Variants in ARCN1 observed in about 807,000 individuals in gnomAD.
The protein encoded by ARCN1 is archain 1 coat protein complex I subunit delta, also known as coatomer subunit delta.
Under a neutral mutation model 60.4 loss-of-function variants are expected in ARCN1, and 5 were observed. The ratio of observed to expected loss-of-function variants is 0.08; its 90% confidence interval spans 0.04 to 0.17. The LOEUF is 0.17. ARCN1 is among the 10% of genes least tolerant of loss of function. The probability of loss-of-function intolerance (pLI) is 1.00; values close to 1 mark genes in which losing one functional copy is unlikely to be tolerated. For missense variants in ARCN1, 464 were observed against 626.5 expected, an observed-to-expected ratio of 0.74 and a Z score of 2.77; for synonymous variants, 224 against 220.0, an observed-to-expected ratio of 1.02 and a Z score of -0.16.
At chr11:118,583,422 A>G (rs1290172969) in intron 3 of ARCN1, 64 bp downstream of exon 3, 1 of 1,474,114 alleles carries the variant, frequency 6.8e-7, no homozygotes, top group Non-Finnish European at 9.0e-7. Flanking sequence ...CACTAATCTC[A>G]TTTTCCTATT....
At chr11:118,599,240 G>GCA (rs1939098514) in intron 9 of ARCN1, among the ~76,000 whole-genome samples, 1 of 151,222 alleles carries the variant, frequency 6.6e-6, no homozygotes, top group Non-Finnish European at 1.5e-5. Context: ...CTACCGGCAT[G>GCA]CGCCACCACG....
At chr11:118,573,227 C>T (rs1351359042) in intron 1 of ARCN1, among the ~76,000 whole-genome samples, 1 of 152,086 alleles carries the variant, frequency 6.6e-6, no homozygotes, top group East Asian at 1.9e-4. Context: ...AAAATGTGAG[C>T]AGGTTCCAGA....
Position 118,576,462 on chromosome 11 carries a change from T to C in ARCN1, c.3+3912T>C, listed in dbSNP as rs192410385. ...AAAAAAAAAAAAACCAAAAACTTTGTAATCATATTTATTAATTCTTCCTCA... is the reference window on the plus strand; with the variant it reads ...AAAAAAAAAAAAACCAAAAACTTTGCAATCATATTTATTAATTCTTCCTCA... On this transcript the variant is annotated intron_variant, in intron 1 of 9. Transcript: ENST00000264028. Among the ~76,000 whole-genome samples, 1,010 of 150,328 alleles carry C rather than the reference T, an allele frequency of 6.7e-3. 11 individuals are homozygous for C. The highest frequency in any genetic ancestry group is 0.022 in the African/African-American group (900 of 40,986).
chr11:118,592,606 G>C lies in ARCN1; in HGVS notation c.985-103G>C. The C allele has an allele frequency of 3.9e-6, 3 of 763,940 alleles. No individual in the cohort carries two copies. The South Asian group carries it at 9.8e-5, about 25-fold the overall frequency. 47.3% of individuals were successfully genotyped at this position (763,940 alleles called of 1,614,324 possible). On this transcript the variant is annotated intron_variant, in intron 6 of 9. Coordinates refer to ENST00000264028, the MANE Select transcript of ARCN1 (RefSeq NM_001655.5). The stretch of plus-strand genomic sequence containing the variant: ...ATGAAAAAGAATTGGAATTTGTTAG[G>C]TACTCTATTTTGGATGTTTAGATTG...
At chr11:118,574,430 C>T (rs540522058) in intron 1 of ARCN1, among the ~76,000 whole-genome samples, 1 of 152,216 alleles carries the variant, frequency 6.6e-6, no homozygotes, top group African/African-American at 2.4e-5. Flanking sequence ...TTTCCAACAT[C>T]TGGAAAAGTT....
chr11:118,588,756 G>C (rs1407476170), intron 5 of ARCN1, among the ~76,000 whole-genome samples: 1 of 151,262 alleles, frequency 6.6e-6, no homozygotes, highest in African/African-American at 2.4e-5. Flanking sequence ...GGTGGCTCAC[G>C]CCTGTAATCC....
intron 5 of ARCN1, among the ~76,000 whole-genome samples, chr11:118,588,252 T>G (rs1555075757): frequency 6.6e-6 from 1 of 152,172 alleles, no homozygotes; most frequent in East Asian, 1.9e-4. Flanking sequence ...ATTCTTGGCC[T>G]CTCTGTGCAG....
Position 118,581,929 on chromosome 11 carries a change from GACAGACAGACACACACACAC to G in ARCN1, c.267+424_267+443del, listed in dbSNP as rs1938659730. ...AGACTTACTGATCCAGAGACAGACA[GACAGACAGACACACACACAC>G]ACACACACACACACACACCTTTTAA... On this transcript the variant is annotated intron_variant, in intron 2 of 9. Coordinates refer to ENST00000264028, the MANE Select transcript of ARCN1 (RefSeq NM_001655.5). Among the ~76,000 whole-genome samples, 17 of 132,358 alleles carry G rather than the reference GACAGACAGACACACACACAC, an allele frequency of 1.3e-4. No individual in the cohort carries two copies. The East Asian group carries it at 4.1e-3, about 32-fold the overall frequency. 86.8% of individuals were successfully genotyped at this position (132,358 alleles called of 152,430 possible).
chr11:118,582,637 A>G (rs1388175355), intron 2 of ARCN1, among the ~76,000 whole-genome samples: 2 of 151,164 alleles, frequency 1.3e-5, no homozygotes, highest in African/African-American at 2.4e-5. Context: ...GAGGCATGAG[A>G]ATTGCGTGAA....
intron 5 of ARCN1, among the ~76,000 whole-genome samples, chr11:118,585,200 T>C (rs782235927): frequency 3.3e-5 from 5 of 151,908 alleles, no homozygotes; most frequent in Non-Finnish European, 7.4e-5. Flanking sequence ...TGAGCTCAGT[T>C]AATCTTCCTG....
chr11:118,588,721 T>G (rs1223464136), intron 5 of ARCN1, among the ~76,000 whole-genome samples: 1 of 144,156 alleles, frequency 6.9e-6, no homozygotes, highest in East Asian at 2.0e-4. Context: ...ATCTGTCTCT[T>G]AAACAACAAC....
intron 5 of ARCN1, among the ~76,000 whole-genome samples, chr11:118,589,629 G>T (rs1938853108): frequency 6.6e-6 from 1 of 152,126 alleles, no homozygotes. Flanking sequence ...CACCATGTTA[G>T]CCAGGATGGT....
intron 1 of ARCN1, chr11:118,573,474 T>A (rs993329131): frequency 2.0e-6 from 1 of 490,020 alleles, no homozygotes; most frequent in Non-Finnish European, 3.7e-6. Context: ...CAATCTTCCT[T>A]TATCGCTGTG....
chr11:118,590,478 A>G lies in ARCN1; in HGVS notation c.956A>G (p.Asn319Ser), dbSNP rs1938879453. The G allele has an allele frequency of 1.9e-6, 3 of 1,614,080 alleles. No homozygotes were observed. The highest frequency in any genetic ancestry group is 2.5e-6 in the Non-Finnish European group (3 of 1,180,030). The change falls in exon 6 of 10, where the codon AAT becomes AGT. Residue 319 changes from asparagine to serine, a missense_variant. By Grantham distance (46) the Asn-to-Ser change is conservative. Transcript: ENST00000264028. The stretch of plus-strand genomic sequence containing the variant: ...GGCCGAATTCGTCTTCATGTGGAAA[A>G]TGAAGATAAGAAAGGGGTGCAGCTA... ...KYGRIRLHVE[N>S]EDKKGVQLQT...
At chr11:118,582,153 T>TA (rs1330435891) in intron 2 of ARCN1, among the ~76,000 whole-genome samples, 1 of 151,942 alleles carries the variant, frequency 6.6e-6, no homozygotes, top group Non-Finnish European at 1.5e-5. Context: ...CTTTTTTTTT[T>TA]AAAGACGGAG....
chr11:118,593,725 G>T, intron 8 of ARCN1, 27 bp downstream of exon 8: 1 of 1,496,062 alleles, frequency 6.7e-7, no homozygotes. Flanking sequence ...TGTCCTCTAC[G>T]GTGGACTTAG....
intron 9 of ARCN1, among the ~76,000 whole-genome samples, chr11:118,598,308 TTTATTTAGA>T (rs1939073097): frequency 6.6e-6 from 1 of 152,104 alleles, no homozygotes; most frequent in Non-Finnish European, 1.5e-5. Flanking sequence ...ATGAAATTGT[TTTATTTAGA>T]AGACAAAATT....
chr11:118,580,561 A>T (rs1216153871), intron 1 of ARCN1, among the ~76,000 whole-genome samples: 1 of 152,196 alleles, frequency 6.6e-6, no homozygotes, highest in African/African-American at 2.4e-5. Context: ...ACATAAAAAT[A>T]TATTACCATG....
At chr11:118,585,376 A>G (rs948533944) in intron 5 of ARCN1, among the ~76,000 whole-genome samples, 7 of 152,182 alleles carry the variant, frequency 4.6e-5, no homozygotes, top group Admixed American at 1.3e-4. Flanking sequence ...CCTGGTATAT[A>G]GCGTATCTCT....
Sources: allele counts gnomAD v4.1 joint callset (sites outside exome capture counted in the v4.1 genomes callset), GRCh38; gene constraint gnomAD v4.1.1; transcripts MANE v1.5; gene names NCBI Gene and HGNC (gene_info 2026-07-23, HGNC 2026-07-21).